Variants in TNR observed in about 807,000 individuals in gnomAD.
TNR encodes tenascin-R.
Under a neutral mutation model 150.4 loss-of-function variants are expected in TNR, and 45 were observed. That is an observed-to-expected ratio of 0.30 (90% CI 0.24 to 0.38). The LOEUF (loss-of-function observed/expected upper bound fraction) is 0.38. Among genes scored for constraint, TNR ranks in the 10% least tolerant of loss-of-function variants. The pLI is 1.00. For missense variants in TNR, 1,544 were observed against 1,759.1 expected (o/e 0.88, Z 2.19); for synonymous variants, 687 against 678.4 (o/e 1.01, Z -0.20).
chr1:175,579,734 G>T (rs755758783), intron 1 of TNR, among the ~76,000 whole-genome samples: 20 of 151,578 alleles, frequency 1.3e-4, no homozygotes, highest in African/African-American at 3.6e-4. Context: ...CCAGGGCAGG[G>T]GTTCCGTCCT....
intron 2 of TNR, among the ~76,000 whole-genome samples, chr1:175,412,902 T>G (rs981295156): frequency 6.6e-6 from 1 of 152,230 alleles, no homozygotes; most frequent in Admixed American, 6.5e-5. Flanking sequence ...ACTTAATTAT[T>G]TCAAAGTGGC....
At chr1:175,723,980 T>C (rs1055806882) in intron 1 of TNR, among the ~76,000 whole-genome samples, 1 of 152,144 alleles carries the variant, frequency 6.6e-6, no homozygotes, top group African/African-American at 2.4e-5. Context: ...ATTTTTAATA[T>C]TTTGAGCAAA....
intron 14 of TNR, among the ~76,000 whole-genome samples, chr1:175,362,079 C>T (rs1651619305): frequency 6.6e-6 from 1 of 152,232 alleles, no homozygotes; most frequent in African/African-American, 2.4e-5. Context: ...GACTAGGGGG[C>T]CTGTCAGAGA....
intron 2 of TNR, among the ~76,000 whole-genome samples, chr1:175,439,694 C>T (rs1165364681): frequency 1.3e-5 from 2 of 152,088 alleles, no homozygotes; most frequent in Non-Finnish European, 2.9e-5. Flanking sequence ...AACAAACAAC[C>T]CCATCAGAAA....
chr1:175,332,113 C>A (rs138391955), intron 20 of TNR, among the ~76,000 whole-genome samples: 3 of 152,208 alleles, frequency 2.0e-5, no homozygotes, highest in Non-Finnish European at 2.9e-5. Flanking sequence ...CTGTTAGCAA[C>A]TTGCAGCTGC....
At chr1:175,632,095 C>T (rs1664346311) in intron 1 of TNR, among the ~76,000 whole-genome samples, 1 of 152,200 alleles carries the variant, frequency 6.6e-6, no homozygotes, top group East Asian at 1.9e-4. Flanking sequence ...TGTGGAAGAT[C>T]TCAGCCTGGG....
At chr1:175,331,953 G>C (rs1280717326) in intron 20 of TNR, among the ~76,000 whole-genome samples, 2 of 152,204 alleles carry the variant, frequency 1.3e-5, no homozygotes, top group Non-Finnish European at 2.9e-5. Context: ...GTCAAAGGCT[G>C]TTTGACTGCT....
At chr1:175,668,293 C>A (rs538693021) in intron 1 of TNR, among the ~76,000 whole-genome samples, 1 of 152,170 alleles carries the variant, frequency 6.6e-6, no homozygotes, top group Non-Finnish European at 1.5e-5. Context: ...TAGCCCCACA[C>A]GTTTTGGTAG....
rs544696113 is a variant in TNR, at chr1:175,680,346, G to A, written c.-165+62880C>T. Among the ~76,000 whole-genome samples, 5 of 152,230 alleles carry A rather than the reference G, an allele frequency of 3.3e-5. No individual in the cohort carries two copies. The South Asian group carries it at 8.3e-4, about 25-fold the overall frequency. On this transcript the variant is annotated intron_variant, in intron 1 of 22. Coordinates refer to ENST00000367674, the MANE Select transcript of TNR (RefSeq NM_003285.3). ...GGCAGAGACAGACAGAGATGCTCTT[G>A]GTTGAGCCCTAAAGTAATAAATGGG...
intron 1 of TNR, among the ~76,000 whole-genome samples, chr1:175,668,190 A>G (rs1425745116): frequency 5.3e-5 from 8 of 152,198 alleles, no homozygotes; most frequent in African/African-American, 1.9e-4. Flanking sequence ...CTTGTGTACC[A>G]TCTACCCAAG....
chr1:175,607,260 G>T (rs1322910357), intron 1 of TNR, among the ~76,000 whole-genome samples: 1 of 152,170 alleles, frequency 6.6e-6, no homozygotes, highest in African/African-American at 2.4e-5. Context: ...CTTGCAAGTG[G>T]CTCAAGTAGG....
intron 2 of TNR, among the ~76,000 whole-genome samples, chr1:175,465,876 G>T (rs181098711): frequency 6.6e-6 from 1 of 152,312 alleles, no homozygotes; most frequent in East Asian, 1.9e-4. Flanking sequence ...ACTGCTGGTT[G>T]ATATAACATT....
intron 1 of TNR, among the ~76,000 whole-genome samples, chr1:175,654,716 CTTCTT>C (rs1558056846): frequency 3.5e-5 from 5 of 141,990 alleles, no homozygotes; most frequent in African/African-American, 1.3e-4. Flanking sequence ...CAAAAGTTCC[CTTCTT>C]TTTTTTTTTT....
intron 1 of TNR, among the ~76,000 whole-genome samples, chr1:175,628,625 G>A (rs1056902844): frequency 2.6e-5 from 4 of 152,112 alleles, no homozygotes; most frequent in African/African-American, 9.7e-5. Context: ...GAGAAACCCA[G>A]TGTCACTGGG....
chr1:175,377,753 G>A (rs1652476041), intron 9 of TNR, among the ~76,000 whole-genome samples: 1 of 152,162 alleles, frequency 6.6e-6, no homozygotes, highest in Admixed American at 6.5e-5. Flanking sequence ...ACTCTTTGCT[G>A]TGTATCCCTT....
At chr1:175,668,349 G>C (rs1453663083) in intron 1 of TNR, among the ~76,000 whole-genome samples, 1 of 152,158 alleles carries the variant, frequency 6.6e-6, no homozygotes, top group Non-Finnish European at 1.5e-5. Flanking sequence ...GTTGTTTGAA[G>C]AGAGGTGTCT....
rs910021507 is a variant in TNR, at chr1:175,413,066, G to A, written c.-63-6289C>T. Among the ~76,000 whole-genome samples the A allele has an allele frequency of 8.6e-5, 13 of 151,970 alleles. 1 individual carries two copies. Among genetic ancestry groups the A allele is most frequent in the Non-Finnish European group, 1.5e-5 (1 of 67,986 alleles). On this transcript the variant is annotated intron_variant, in intron 2 of 22. Transcript: ENST00000367674. ...TTTGAGTCAGAGTCTCACTCTGTCAGCCAGGCTGGAGTGCAGTGGCACGAT... is the reference window on the plus strand; with the variant it reads ...TTTGAGTCAGAGTCTCACTCTGTCAACCAGGCTGGAGTGCAGTGGCACGAT...
rs1349625964 is a variant in TNR, at chr1:175,317,735, C to T, written c.*5622G>A. 1.2e-4 allele frequency: 19 copies of T among 152,208 alleles called. No individual in the cohort carries two copies. Among genetic ancestry groups the T allele is most frequent in the Admixed American group, 1.2e-3 (19 of 15,280 alleles). 9.4% of individuals were successfully genotyped at this position (152,208 alleles called of 1,614,324 possible). The stretch of plus-strand genomic sequence containing the variant: ...GATAATAGAGTTAAATGTTTTTGAA[C>T]TGGAACTTTAGCATTAGCCTGGCTT... On this transcript the variant is annotated 3_prime_UTR_variant, in exon 23 of 23. Transcript: ENST00000367674.
At chr1:175,742,213 G>A (rs902903861) in intron 1 of TNR, among the ~76,000 whole-genome samples, 1 of 152,214 alleles carries the variant, frequency 6.6e-6, no homozygotes, top group Non-Finnish European at 1.5e-5. Context: ...CTTGCAAAAA[G>A]TAGCAGCAGT....
Sources: allele counts gnomAD v4.1 joint callset (sites outside exome capture counted in the v4.1 genomes callset), GRCh38; gene constraint gnomAD v4.1.1; transcripts MANE v1.5; gene names NCBI Gene and HGNC (gene_info 2026-07-23, HGNC 2026-07-21).